LSAMP: variants seen among roughly 807,000 people sequenced by gnomAD.
LSAMP encodes the protein limbic system-associated membrane protein.
A neutral mutation model predicts 38.6 loss-of-function variants in LSAMP; 7 were observed. The ratio of observed to expected loss-of-function variants is 0.18; its 90% CI spans 0.10 to 0.34. The LOEUF is 0.34. Among genes scored for constraint, LSAMP ranks in the 10% least tolerant of loss-of-function variants. The pLI, the probability that LSAMP is intolerant of heterozygous loss-of-function variation, is 1.00. For missense variants in LSAMP, 313 were observed against 420.0 expected, an observed-to-expected ratio of 0.75 and a Z score of 2.23; for synonymous variants, 154 against 166.8, an observed-to-expected ratio of 0.92 and a Z score of 0.59.
At chr3:116,264,437 C>A (rs1033094934) in intron 1 of LSAMP, among the ~76,000 whole-genome samples, 1 of 152,142 alleles carries the variant, frequency 6.6e-6, no homozygotes, top group African/African-American at 2.4e-5. Flanking sequence ...TTCAGCACAG[C>A]CTCATCAATT....
intron 1 of LSAMP, among the ~76,000 whole-genome samples, chr3:116,336,006 A>G (rs1173075092): frequency 6.6e-6 from 1 of 152,064 alleles, no homozygotes. Flanking sequence ...AGACCATGCA[A>G]TGGGAAAAGA....
chr3:116,119,445 A>G (rs904507529), intron 1 of LSAMP, among the ~76,000 whole-genome samples: 12 of 152,142 alleles, frequency 7.9e-5, no homozygotes, highest in African/African-American at 2.9e-4. Context: ...AATAATATTT[A>G]CTAAAGGAAA....
chr3:116,038,532 A>G (rs1252500299), intron 2 of LSAMP, among the ~76,000 whole-genome samples: 2 of 152,104 alleles, frequency 1.3e-5, no homozygotes, highest in African/African-American at 2.4e-5. Flanking sequence ...AATAGGATTT[A>G]TTTCTTGAAC....
intron 3 of LSAMP, among the ~76,000 whole-genome samples, chr3:115,861,296 C>G (rs1161537838): frequency 2.6e-5 from 4 of 151,812 alleles, no homozygotes; most frequent in Non-Finnish European, 5.9e-5. Flanking sequence ...CCTTTATACA[C>G]CAACACTATT....
chr3:115,958,184 GC>G (rs1938513467), intron 3 of LSAMP, among the ~76,000 whole-genome samples: 2 of 152,116 alleles, frequency 1.3e-5, no homozygotes, highest in Admixed American at 1.3e-4. Context: ...GTTGCAAAGT[GC>G]CTATTTTGAT....
At chr3:116,254,114 C>A (rs1029944765) in intron 1 of LSAMP, among the ~76,000 whole-genome samples, 3 of 152,112 alleles carry the variant, frequency 2.0e-5, no homozygotes, top group African/African-American at 7.2e-5. Flanking sequence ...GTGGAATACT[C>A]TCTAAAGACA....
chr3:116,089,798 T>G (rs1316342694), intron 1 of LSAMP, among the ~76,000 whole-genome samples: 2 of 151,704 alleles, frequency 1.3e-5, no homozygotes, highest in African/African-American at 4.8e-5. Flanking sequence ...GGAAAAAAAA[T>G]AAATAAATAA....
intron 1 of LSAMP, among the ~76,000 whole-genome samples, chr3:116,414,626 T>C (rs762155458): frequency 2.6e-5 from 4 of 152,124 alleles, no homozygotes; most frequent in Non-Finnish European, 5.9e-5. Flanking sequence ...CTAGACTCTT[T>C]AGTGTATCTT....
chr3:116,263,639 C>T (rs1360068130), intron 1 of LSAMP, among the ~76,000 whole-genome samples: 2 of 150,114 alleles, frequency 1.3e-5, no homozygotes, highest in South Asian at 2.1e-4. Context: ...CTATAAAGCA[C>T]ATATCAAAAT....
chr3:115,914,951 G>A (rs887839060), intron 3 of LSAMP, among the ~76,000 whole-genome samples: 1 of 152,172 alleles, frequency 6.6e-6, no homozygotes, highest in African/African-American at 2.4e-5. Flanking sequence ...TCCAAAGGGG[G>A]TGCAAGAATA....
In LSAMP at chr3:115,808,621, A is replaced by C. The variant is rs1421775657; in HGVS notation, c.*1696T>G. 6.6e-6 allele frequency: 1 copy of C among 152,270 alleles called. No individual in the cohort carries two copies. The highest frequency in any genetic ancestry group is 1.5e-5 in the Non-Finnish European group (1 of 68,044). The allele number at this position is 152,270 out of a possible 1,614,324, so 9.4% of individuals were successfully genotyped here. ...AGATGTAAATTTAAATAGAGCAGGGAAGATGAATATCATGCAATTCTTAGC... is the reference window on the plus strand; with the variant it reads ...AGATGTAAATTTAAATAGAGCAGGGCAGATGAATATCATGCAATTCTTAGC... On this transcript the variant is annotated 3_prime_UTR_variant, in exon 7 of 7. Transcript: ENST00000490035.
intron 1 of LSAMP, among the ~76,000 whole-genome samples, chr3:116,236,700 C>A (rs2046469087): frequency 6.6e-6 from 1 of 151,912 alleles, no homozygotes; most frequent in Non-Finnish European, 1.5e-5. Context: ...ACCTTTGGGC[C>A]CACAAGTTGC....
chr3:116,358,197 A>G (rs2107774832), intron 1 of LSAMP, among the ~76,000 whole-genome samples: 1 of 152,326 alleles, frequency 6.6e-6, no homozygotes. Flanking sequence ...TCCCCAAAGA[A>G]AAAGCTAATT....
intron 1 of LSAMP, among the ~76,000 whole-genome samples, chr3:116,182,554 G>A (rs1301300558): frequency 6.6e-6 from 1 of 151,712 alleles, no homozygotes; most frequent in Non-Finnish European, 1.5e-5. Context: ...TTTTTTCAGG[G>A]TAGGTGTTTA....
At chr3:115,942,002 TAAG>T (rs571200400) in intron 3 of LSAMP, among the ~76,000 whole-genome samples, 3 of 146,094 alleles carry the variant, frequency 2.1e-5, no homozygotes, top group Non-Finnish European at 4.6e-5. Context: ...TATTTTAAAA[TAAG>T]AATTATTTTG....
chr3:115,943,361 G>A (rs1167528961), intron 3 of LSAMP, among the ~76,000 whole-genome samples: 2 of 152,162 alleles, frequency 1.3e-5, no homozygotes, highest in African/African-American at 4.8e-5. Flanking sequence ...TCTTTCTTGG[G>A]AGTTGGGGAG....
At chr3:116,389,563 A>T (rs2048666465) in intron 1 of LSAMP, among the ~76,000 whole-genome samples, 1 of 152,184 alleles carries the variant, frequency 6.6e-6, no homozygotes, top group Non-Finnish European at 1.5e-5. Flanking sequence ...TGAAAGCCAG[A>T]AACTTCATTG....
At chr3:115,977,346 T>A (rs1327167243) in intron 3 of LSAMP, among the ~76,000 whole-genome samples, 1 of 152,184 alleles carries the variant, frequency 6.6e-6, no homozygotes, top group Non-Finnish European at 1.5e-5. Context: ...AGAAATATTA[T>A]AGGGTTAATT....
At chr3:116,181,735 A>T (rs976128081) in intron 1 of LSAMP, among the ~76,000 whole-genome samples, 1 of 152,028 alleles carries the variant, frequency 6.6e-6, no homozygotes, top group African/African-American at 2.4e-5. Flanking sequence ...ATTATCATTC[A>T]GATACCACAC....
Sources: gnomAD v4.1 joint callset for allele counts (sites outside exome capture counted in the v4.1 genomes callset) on GRCh38, gnomAD v4.1.1 for gene constraint, MANE v1.5 for transcripts, NCBI Gene and HGNC (gene_info 2026-07-23, HGNC 2026-07-21) for gene names.